WARS2: variants seen among roughly 807,000 people sequenced by gnomAD.
WARS2 encodes the protein tryptophanyl tRNA synthetase 2, mitochondrial.
A neutral mutation model predicts 36.5 loss-of-function variants in WARS2; 28 were observed. The ratio of observed to expected loss-of-function variants is 0.77; its 90% CI spans 0.57 to 1.05. The LOEUF is 1.05. Ranked by LOEUF, WARS2 falls within the 50% of genes least tolerant of loss-of-function variation. The probability of loss-of-function intolerance (pLI) is 0.00; values close to 1 mark genes in which losing one functional copy is unlikely to be tolerated. For synonymous variants in WARS2, 174 were observed against 178.4 expected, an observed-to-expected ratio of 0.98 and a Z score of 0.20; for missense variants, 435 against 456.8, an observed-to-expected ratio of 0.95 and a Z score of 0.44.
chr1:119,116,875 G>A (rs905783046), intron 1 of WARS2, among the ~76,000 whole-genome samples: 2 of 152,160 alleles, frequency 1.3e-5, no homozygotes, highest in African/African-American at 4.8e-5. Flanking sequence ...AACCGAGCAC[G>A]AACTTCCCCG....
At chr1:119,089,820 T>C (rs181612407) in intron 1 of WARS2, among the ~76,000 whole-genome samples, 8 of 152,302 alleles carry the variant, frequency 5.3e-5, no homozygotes, top group Admixed American at 5.2e-4. Flanking sequence ...ATCATATCCT[T>C]TGCAGGGACA....
At chr1:119,055,997 A>T (rs1649759378) in intron 2 of WARS2, among the ~76,000 whole-genome samples, 2 of 148,606 alleles carry the variant, frequency 1.3e-5, no homozygotes, top group Non-Finnish European at 3.0e-5. Flanking sequence ...TCAGATGAAA[A>T]TTTCATACCA....
At chr1:119,075,774 G>C (rs1651681030) in intron 2 of WARS2, among the ~76,000 whole-genome samples, 1 of 152,184 alleles carries the variant, frequency 6.6e-6, no homozygotes, top group Admixed American at 6.5e-5. Flanking sequence ...CATCCATAGT[G>C]AAGATATGAG....
At chr1:119,111,646 C>T (rs1247031913) in intron 1 of WARS2, among the ~76,000 whole-genome samples, 24 of 152,126 alleles carry the variant, frequency 1.6e-4, no homozygotes, top group Admixed American at 1.6e-3. Flanking sequence ...GGAAAATTCA[C>T]AAAAATGTAG....
chr1:119,140,663 G>A (rs767050890), upstream of WARS2: 4 of 1,605,544 alleles, frequency 2.5e-6, no homozygotes, highest in African/African-American at 4.0e-5. Flanking sequence ...GGGCGGAGCC[G>A]TCTTGTTTGG....
intron 1 of WARS2, among the ~76,000 whole-genome samples, chr1:119,088,854 T>C (rs769877538): frequency 3.9e-5 from 6 of 152,160 alleles, no homozygotes; most frequent in Non-Finnish European, 7.4e-5. Flanking sequence ...CAAAATTATC[T>C]CTGCATAGAG....
At chr1:119,055,726 G>A (rs1382434494) in intron 2 of WARS2, among the ~76,000 whole-genome samples, 1 of 149,768 alleles carries the variant, frequency 6.7e-6, no homozygotes, top group African/African-American at 2.5e-5. Flanking sequence ...AGAAGGAGGA[G>A]GAGGAGAAGA....
intron 2 of WARS2, among the ~76,000 whole-genome samples, chr1:119,073,121 C>G (rs981141353): frequency 9.4e-4 from 142 of 150,542 alleles, no homozygotes; most frequent in Non-Finnish European, 4.6e-4. Context: ...GCACTCCAGC[C>G]TGGGCAACAG....
intron 1 of WARS2, among the ~76,000 whole-genome samples, chr1:119,099,787 T>C (rs1174698181): frequency 2.0e-5 from 3 of 152,162 alleles, no homozygotes; most frequent in Non-Finnish European, 2.9e-5. Context: ...TCTCTTACCA[T>C]ATACAGAAAT....
intron 2 of WARS2, among the ~76,000 whole-genome samples, chr1:119,069,126 C>G (rs1177573488): frequency 6.6e-6 from 1 of 152,178 alleles, no homozygotes; most frequent in Non-Finnish European, 1.5e-5. Context: ...AGAACATTTT[C>G]TAATGTTCAA....
At chr1:119,129,781 C>A (rs1476369651) in intron 1 of WARS2, among the ~76,000 whole-genome samples, 2 of 151,520 alleles carry the variant, frequency 1.3e-5, no homozygotes, top group Non-Finnish European at 2.9e-5. Flanking sequence ...TATGATATAG[C>A]ACAATTAAAG....
At chr1:119,106,780 C>T (rs183191767) in intron 1 of WARS2, among the ~76,000 whole-genome samples, 38 of 152,310 alleles carry the variant, frequency 2.5e-4, no homozygotes, top group African/African-American at 8.9e-4. Context: ...TATCCACATG[C>T]AGGTTTTTTG....
At chr1:119,120,856 T>G (rs1316560620) in intron 1 of WARS2, among the ~76,000 whole-genome samples, 1 of 151,980 alleles carries the variant, frequency 6.6e-6, no homozygotes, top group Non-Finnish European at 1.5e-5. Context: ...CCTTTATGAT[T>G]AAAACCCTTA....
chr1:119,062,240 G>A (rs1306318921), intron 2 of WARS2, among the ~76,000 whole-genome samples: 3 of 152,154 alleles, frequency 2.0e-5, no homozygotes, highest in Non-Finnish European at 4.4e-5. Context: ...AAGGACTCTT[G>A]TTTAGAGAAG....
intron 1 of WARS2, among the ~76,000 whole-genome samples, chr1:119,136,122 TTGTC>T (rs1278505025): frequency 6.6e-6 from 1 of 151,876 alleles, no homozygotes; most frequent in East Asian, 1.9e-4. Context: ...AAATATATAT[TTGTC>T]TGTGTGTGTG....
At chr1:119,038,561 G>T (rs188604076) in intron 4 of WARS2, among the ~76,000 whole-genome samples, 1 of 152,308 alleles carries the variant, frequency 6.6e-6, no homozygotes, top group Non-Finnish European at 1.5e-5. Context: ...AAGTTTCTGA[G>T]CAATCATTTT....
intron 2 of WARS2, among the ~76,000 whole-genome samples, chr1:119,062,580 A>C (rs759640119): frequency 6.6e-6 from 1 of 152,190 alleles, no homozygotes; most frequent in Non-Finnish European, 1.5e-5. Context: ...CATAATCTCA[A>C]CTTGAATTGT....
rs188673882 is a variant in WARS2, at chr1:119,125,398, C to T, written c.90+15157G>A. Reference sequence around the variant, plus strand: ...TATTCTCCATATCACTATTATCTAACATACTATATATCTTAATTACTTGTT... The same window carrying T: ...TATTCTCCATATCACTATTATCTAATATACTATATATCTTAATTACTTGTT... On this transcript the variant is annotated intron_variant, in intron 1 of 5. Coordinates refer to ENST00000235521, the MANE Select transcript of WARS2 (RefSeq NM_015836.4). Among the ~76,000 whole-genome samples, 6 of 152,298 alleles carry T rather than the reference C, an allele frequency of 3.9e-5. No individual in the cohort carries two copies. In the East Asian group the frequency reaches 1.2e-3, roughly 29 times the overall value.
At chr1:119,137,375 T>C (rs2101586482) in intron 1 of WARS2, among the ~76,000 whole-genome samples, 1 of 152,346 alleles carries the variant, frequency 6.6e-6, no homozygotes, top group Admixed American at 6.5e-5. Context: ...CTTCATCTAA[T>C]GGCTATACTT....
Sources: gnomAD v4.1 joint callset for allele counts (sites outside exome capture counted in the v4.1 genomes callset) on GRCh38, gnomAD v4.1.1 for gene constraint, MANE v1.5 for transcripts, NCBI Gene and HGNC (gene_info 2026-07-23, HGNC 2026-07-21) for gene names.